The following PHF21A variants were observed in gnomAD, a reference collection of about 807,000 sequenced individuals.
PHF21A encodes the protein PHD finger protein 21A, also known as BHC80a.
In PHF21A, 11 loss-of-function variants were observed where a neutral mutation model predicts 82.5. The observed-to-expected ratio is 0.13, with a 90% CI of 0.08 to 0.22. The LOEUF (loss-of-function observed/expected upper bound fraction) is 0.22. Among genes scored for constraint, PHF21A ranks in the 10% least tolerant of loss-of-function variants. The pLI is 1.00. For missense variants in PHF21A, 579 were observed against 837.8 expected (o/e 0.69, Z 3.81); for synonymous variants, 297 against 302.8 (o/e 0.98, Z 0.20).
intron 6 of PHF21A, among the ~76,000 whole-genome samples, chr11:46,073,200 CGCCTGTAGTCCCA>C (rs2096675443): frequency 6.6e-6 from 1 of 151,734 alleles, no homozygotes. Flanking sequence ...TGGTGGCGGG[CGCCTGTAGTCCCA>C]GCTACTTGGG....
At chr11:46,041,898 G>C (rs2096149195) in intron 6 of PHF21A, among the ~76,000 whole-genome samples, 1 of 152,048 alleles carries the variant, frequency 6.6e-6, no homozygotes, top group Non-Finnish European at 1.5e-5. Flanking sequence ...AGGATCTTGT[G>C]TCTTATAGTA....
At chr11:46,030,517 T>C (rs1464210621) in intron 6 of PHF21A, among the ~76,000 whole-genome samples, 1 of 152,224 alleles carries the variant, frequency 6.6e-6, no homozygotes, top group African/African-American at 2.4e-5. Context: ...AAGTATTCTT[T>C]TTCAGTCTCA....
chr11:46,054,867 C>T (rs915671943), intron 6 of PHF21A, among the ~76,000 whole-genome samples: 2 of 152,126 alleles, frequency 1.3e-5, no homozygotes, highest in Admixed American at 6.6e-5. Flanking sequence ...ACAGTAGAAG[C>T]TCTTTTAACC....
At chr11:46,066,510 C>T (rs2096596057) in intron 6 of PHF21A, among the ~76,000 whole-genome samples, 1 of 152,002 alleles carries the variant, frequency 6.6e-6, no homozygotes, top group South Asian at 2.1e-4. Flanking sequence ...CCAGCCTGGG[C>T]AACAAAATGA....
At chr11:46,077,411 T>G (rs144748969) in intron 5 of PHF21A, among the ~76,000 whole-genome samples, 2 of 152,364 alleles carry the variant, frequency 1.3e-5, no homozygotes, top group East Asian at 3.9e-4. Flanking sequence ...AAAAGAATAC[T>G]ATTTTAGATG....
chr11:45,934,867 G>A, intron 18 of PHF21A: 1 of 357,552 alleles, frequency 2.8e-6, no homozygotes, highest in Non-Finnish European at 5.5e-6. Context: ...GGAAAGAGAG[G>A]AAAGAGGTGT....
intron 6 of PHF21A, among the ~76,000 whole-genome samples, chr11:46,046,140 G>C (rs571299871): frequency 1.3e-5 from 2 of 152,186 alleles, no homozygotes; most frequent in South Asian, 4.1e-4. Flanking sequence ...CTATTTTCAG[G>C]GTTTGTTTTC....
chr11:45,944,020 A>C (rs2090880808), intron 15 of PHF21A, among the ~76,000 whole-genome samples: 1 of 152,226 alleles, frequency 6.6e-6, no homozygotes, highest in Admixed American at 6.5e-5. Context: ...TTCCAAAATA[A>C]AGGATTACCA....
At chr11:46,104,696 C>CA (rs2097135062) in intron 1 of PHF21A, among the ~76,000 whole-genome samples, 1 of 152,150 alleles carries the variant, frequency 6.6e-6, no homozygotes, top group Non-Finnish European at 1.5e-5. Context: ...GAGCAGCTAT[C>CA]ATGATTGAGT....
chr11:46,026,535 A>AC (rs2095750034), intron 6 of PHF21A, among the ~76,000 whole-genome samples: 1 of 152,216 alleles, frequency 6.6e-6, no homozygotes, highest in Admixed American at 6.5e-5. Flanking sequence ...AGCTTTAGCT[A>AC]CCTCTTCTCT....
intron 15 of PHF21A, among the ~76,000 whole-genome samples, chr11:45,941,291 G>T (rs2090304143): frequency 6.6e-6 from 1 of 151,892 alleles, no homozygotes; most frequent in Non-Finnish European, 1.5e-5. Context: ...TAGAGATGGG[G>T]GTCTCCCTTT....
At chr11:46,020,611 T>G (rs545562842) in intron 6 of PHF21A, among the ~76,000 whole-genome samples, 1 of 152,300 alleles carries the variant, frequency 6.6e-6, no homozygotes, top group African/African-American at 2.4e-5. Context: ...CCTATTTAGC[T>G]CTATAAGTTA....
At chr11:46,058,777 CTT>C (rs1363253959) in intron 6 of PHF21A, among the ~76,000 whole-genome samples, 1 of 152,142 alleles carries the variant, frequency 6.6e-6, no homozygotes, top group Non-Finnish European at 1.5e-5. Flanking sequence ...ATTACATTCT[CTT>C]TACAAAATCT....
At chr11:45,990,031 T>A (rs1565430014) in intron 6 of PHF21A, among the ~76,000 whole-genome samples, 3 of 152,180 alleles carry the variant, frequency 2.0e-5, no homozygotes, top group East Asian at 1.9e-4. Flanking sequence ...GAGAATTTTT[T>A]AAATCTTAAG....
intron 6 of PHF21A, among the ~76,000 whole-genome samples, chr11:46,046,788 A>G (rs2096265088): frequency 6.6e-6 from 1 of 152,170 alleles, no homozygotes; most frequent in African/African-American, 2.4e-5. Context: ...GCCTGCCTTC[A>G]CTCTGTGAAG....
intron 10 of PHF21A, among the ~76,000 whole-genome samples, chr11:45,956,349 A>G (rs1036160443): frequency 1.3e-5 from 2 of 152,208 alleles, no homozygotes; most frequent in African/African-American, 2.4e-5. Context: ...TTATATATCT[A>G]TATTAGTGGG....
chr11:45,999,756 A>T (rs1269638511), intron 6 of PHF21A, among the ~76,000 whole-genome samples: 1 of 152,226 alleles, frequency 6.6e-6, no homozygotes, highest in Non-Finnish European at 1.5e-5. Context: ...CAGAGATGAT[A>T]AGGGACTGAT....
At chr11:46,119,396 C>T (rs1852334620) in intron 1 of PHF21A, among the ~76,000 whole-genome samples, 1 of 152,206 alleles carries the variant, frequency 6.6e-6, no homozygotes, top group Non-Finnish European at 1.5e-5. Flanking sequence ...CTCCCAGAGA[C>T]ATCATTTTAA....
rs2093711165 is a variant in PHF21A at position 45,971,054 on chromosome 11, T to A, written c.612+62A>T. The A allele has an allele frequency of 1.3e-5, 20 of 1,569,046 alleles. 1 individual carries two copies. The South Asian group carries it at 2.4e-4, about 19-fold the overall frequency. ...CAGCAGGAGCCTAGAAGGGATATAC[T>A]ATACAAATGCGTATCCTAACCTTCT... is the stretch of plus-strand genomic sequence containing the variant. On this transcript the variant is annotated intron_variant, in intron 8 of 18. Coordinates refer to ENST00000676320, the MANE Select transcript of PHF21A (RefSeq NM_001352027.3).
Sources: allele counts gnomAD v4.1 joint callset (sites outside exome capture counted in the v4.1 genomes callset), GRCh38; gene constraint gnomAD v4.1.1; transcripts MANE v1.5; gene names NCBI Gene and HGNC (gene_info 2026-07-23, HGNC 2026-07-21).